Variants in RIC8B observed in about 807,000 individuals in gnomAD.
The protein encoded by RIC8B is RIC8 guanine nucleotide exchange factor B.
RIC8B carries 16 observed loss-of-function variants against 57.5 expected under a neutral mutation model. The ratio of observed to expected loss-of-function variants is 0.28; its 90% CI spans 0.19 to 0.42. The LOEUF is 0.42. RIC8B is among the 10% of genes least tolerant of loss of function. The pLI is 1.00. For missense variants in RIC8B, 481 were observed against 677.0 expected (o/e 0.71, Z 3.21); for synonymous variants, 216 against 250.8 (o/e 0.86, Z 1.31).
chr12:106,838,703 T>G (rs2136399026), intron 4 of RIC8B, among the ~76,000 whole-genome samples: 1 of 152,088 alleles, frequency 6.6e-6, no homozygotes, highest in Admixed American at 6.6e-5. Flanking sequence ...ACTAGAAAAC[T>G]TCTGCACAGC....
chr12:106,866,314 A>G (rs1045605504), intron 8 of RIC8B, among the ~76,000 whole-genome samples: 1 of 152,168 alleles, frequency 6.6e-6, no homozygotes, highest in Non-Finnish European at 1.5e-5. Context: ...TAGGATACCA[A>G]GAAAATTGAG....
rs142446267 is a variant in RIC8B, at chr12:106,793,563, C to G, written c.132+9519C>G. On this transcript the variant is annotated intron_variant, in intron 2 of 9. Coordinates refer to ENST00000392837, the MANE Select transcript of RIC8B (RefSeq NM_001330145.2). ...AAGTGGTAGCTGGGAGGAACTATCC[C>G]TTCAAAAGATTGGATCTGTTTGTGG... 8.1e-3 allele frequency among the ~76,000 whole-genome samples: 1,226 copies of G among 152,266 alleles called. 3 individuals carry two copies. Among genetic ancestry groups the G allele is most frequent in the Admixed American group, 0.012 (189 of 15,300 alleles).
chr12:106,848,205 C>T (rs1949294871), intron 6 of RIC8B, among the ~76,000 whole-genome samples: 1 of 152,120 alleles, frequency 6.6e-6, no homozygotes, highest in South Asian at 2.1e-4. Flanking sequence ...GAAGGAGAAG[C>T]AAATTCAAAA....
rs576624991 is a variant in RIC8B at position 106,886,817 on chromosome 12, T to G, written c.*802T>G. 1 of 152,656 alleles carries G rather than the reference T, an allele frequency of 6.6e-6. No individual in the cohort carries two copies. The highest frequency in any genetic ancestry group is 1.5e-5 in the Non-Finnish European group (1 of 68,026). 9.5% of individuals were successfully genotyped at this position (152,656 alleles called of 1,614,324 possible). On this transcript the variant is annotated 3_prime_UTR_variant, in exon 10 of 10. Coordinates refer to ENST00000392837, the MANE Select transcript of RIC8B (RefSeq NM_001330145.2). ...AACACACACATCCTCCATCCCAGCA[T>G]AGAGAATGGGGACTCCCTGAGTAAT... is the stretch of plus-strand genomic sequence containing the variant.
chr12:106,805,766 A>G (rs1411456016), intron 2 of RIC8B, among the ~76,000 whole-genome samples: 2 of 152,148 alleles, frequency 1.3e-5, no homozygotes, highest in Non-Finnish European at 2.9e-5. Flanking sequence ...TTCTTCTCAT[A>G]TAAACGTGGA....
chr12:106,816,156 C>A (rs1383736213), intron 3 of RIC8B, among the ~76,000 whole-genome samples: 1 of 148,828 alleles, frequency 6.7e-6, no homozygotes, highest in African/African-American at 2.5e-5. Flanking sequence ...TTGAAATTCA[C>A]CCCCTCCTGT....
chr12:106,777,828 A>G (rs1041483799), intron 1 of RIC8B, among the ~76,000 whole-genome samples: 11 of 152,208 alleles, frequency 7.2e-5, no homozygotes, highest in Admixed American at 1.3e-4. Context: ...ACTGGGCACA[A>G]TGCACCTAGG....
At chr12:106,780,389 AAAC>A (rs879371182) in intron 1 of RIC8B, among the ~76,000 whole-genome samples, 1 of 152,228 alleles carries the variant, frequency 6.6e-6, no homozygotes, top group Non-Finnish European at 1.5e-5. Flanking sequence ...TAGGAGAAGA[AAAC>A]AAGACTGCTG....
At chr12:106,809,522 C>CAAAAAAAAAA (rs201411394) in intron 2 of RIC8B, among the ~76,000 whole-genome samples, 2 of 105,588 alleles carry the variant, frequency 1.9e-5, no homozygotes, top group Non-Finnish European at 4.0e-5. Context: ...ACTCTTGTCT[C>CAAAAAAAAAA]AAAAAAAAAA....
chr12:106,809,888 G>T (rs2045253597), intron 2 of RIC8B, among the ~76,000 whole-genome samples: 1 of 151,542 alleles, frequency 6.6e-6, no homozygotes, highest in African/African-American at 2.4e-5. Context: ...TAAATTATTG[G>T]TAACTGTAAT....
At chr12:106,837,035 C>T (rs1026276176) in intron 4 of RIC8B, among the ~76,000 whole-genome samples, 1 of 152,184 alleles carries the variant, frequency 6.6e-6, no homozygotes, top group Non-Finnish European at 1.5e-5. Context: ...TTAAATAACT[C>T]ATCTCAGTGA....
chr12:106,828,063 T>C (rs1284940586), intron 4 of RIC8B, among the ~76,000 whole-genome samples: 1 of 152,230 alleles, frequency 6.6e-6, no homozygotes, highest in East Asian at 1.9e-4. Context: ...GAAGTCGTAT[T>C]TATTTTCCTT....
chr12:106,876,174 G>A (rs1197793593), intron 9 of RIC8B, among the ~76,000 whole-genome samples: 1 of 152,008 alleles, frequency 6.6e-6, no homozygotes, highest in Non-Finnish European at 1.5e-5. Flanking sequence ...GGTAACCACA[G>A]CTATATATGA....
chr12:106,872,690 A>AAAC (rs1555264196), intron 9 of RIC8B, among the ~76,000 whole-genome samples: 1 of 150,978 alleles, frequency 6.6e-6, no homozygotes, highest in African/African-American at 2.4e-5. Context: ...AAAAAAACAA[A>AAAC]CCCGACAGAG....
intron 3 of RIC8B, among the ~76,000 whole-genome samples, chr12:106,818,462 C>T (rs1359998655): frequency 1.3e-5 from 2 of 151,920 alleles, no homozygotes; most frequent in East Asian, 1.9e-4. Flanking sequence ...CCGCGCCCGG[C>T]CTCTCTTTTT....
chr12:106,857,687 T>G (rs1949763977), intron 7 of RIC8B, among the ~76,000 whole-genome samples: 1 of 152,180 alleles, frequency 6.6e-6, no homozygotes, highest in Non-Finnish European at 1.5e-5. Context: ...CACTAGCAGC[T>G]CACCTTAACA....
At chr12:106,839,312 A>G (rs998145546) in intron 4 of RIC8B, among the ~76,000 whole-genome samples, 2 of 152,206 alleles carry the variant, frequency 1.3e-5, no homozygotes, top group African/African-American at 4.8e-5. Context: ...ATGTGCGTAT[A>G]TATGTATACA....
Position 106,785,338 on chromosome 12 carries a change from T to C in RIC8B, c.132+1294T>C, listed in dbSNP as rs549058478. On this transcript the variant is annotated intron_variant, in intron 2 of 9. Coordinates refer to ENST00000392837, the MANE Select transcript of RIC8B (RefSeq NM_001330145.2). ...CCTCTTCTTTTTCTCACCTGGTGAA[T>C]CCCTACTCACCTCAGGGGCACCTCC... is the stretch of plus-strand genomic sequence containing the variant. Among the ~76,000 whole-genome samples the C allele has an allele frequency of 2.9e-3, 440 of 152,334 alleles. 2 individuals are homozygous for C. Among genetic ancestry groups the C allele is most frequent in the South Asian group, 4.8e-3 (23 of 4,828 alleles).
chr12:106,853,160 T>A (rs1408594942), intron 7 of RIC8B, among the ~76,000 whole-genome samples: 1 of 152,070 alleles, frequency 6.6e-6, no homozygotes, highest in Non-Finnish European at 1.5e-5. Flanking sequence ...AAAATAAAGT[T>A]TATTTCTCCT....
Sources: allele counts gnomAD v4.1 joint callset (sites outside exome capture counted in the v4.1 genomes callset), GRCh38; gene constraint gnomAD v4.1.1; transcripts MANE v1.5; gene names NCBI Gene and HGNC (gene_info 2026-07-23, HGNC 2026-07-21).